Variants in LSAMP observed in about 807,000 individuals in gnomAD.
LSAMP encodes the protein limbic system associated membrane protein.
In LSAMP, 7 loss-of-function variants were observed where a neutral mutation model predicts 38.6. The observed-to-expected ratio is 0.18, with a 90% CI of 0.10 to 0.34. The LOEUF (loss-of-function observed/expected upper bound fraction) is 0.34. Among genes scored for constraint, LSAMP ranks in the 10% least tolerant of loss-of-function variants. The pLI is 1.00. For missense variants in LSAMP, 313 were observed against 420.0 expected (o/e 0.75, Z 2.23); for synonymous variants, 154 against 166.8 (o/e 0.92, Z 0.59).
intron 1 of LSAMP, among the ~76,000 whole-genome samples, chr3:116,264,231 ACTC>A (rs957536648): frequency 2.4e-4 from 37 of 152,230 alleles, no homozygotes; most frequent in African/African-American, 7.2e-4. Context: ...CTAAAAATGT[ACTC>A]TTCTGAGATA....
chr3:116,198,346 C>G (rs1175578691), intron 1 of LSAMP, among the ~76,000 whole-genome samples: 1 of 152,044 alleles, frequency 6.6e-6, no homozygotes, highest in Non-Finnish European at 1.5e-5. Context: ...CAAAATGCCT[C>G]CACAGTTTCA....
chr3:115,817,074 C>G (rs954927131), intron 6 of LSAMP, among the ~76,000 whole-genome samples: 2 of 152,220 alleles, frequency 1.3e-5, no homozygotes, highest in African/African-American at 4.8e-5. Flanking sequence ...CAGATCAAGT[C>G]TATTCCAACT....
chr3:116,337,873 T>C (rs897106377), intron 1 of LSAMP, among the ~76,000 whole-genome samples: 11 of 152,032 alleles, frequency 7.2e-5, no homozygotes. Flanking sequence ...ATTCAGTAGA[T>C]GTAAGGTGGG....
chr3:115,894,107 A>G (rs2107465230), intron 3 of LSAMP, among the ~76,000 whole-genome samples: 1 of 152,190 alleles, frequency 6.6e-6, no homozygotes, highest in East Asian at 1.9e-4. Flanking sequence ...ATAAATACGC[A>G]TAACTCTTTA....
chr3:115,880,039 C>A (rs1053506557), intron 3 of LSAMP, among the ~76,000 whole-genome samples: 23 of 152,246 alleles, frequency 1.5e-4, no homozygotes, highest in African/African-American at 5.5e-4. Flanking sequence ...ATAAAAAGAT[C>A]TTACAGATTT....
At chr3:116,072,537 C>T (rs372470368) in intron 2 of LSAMP, among the ~76,000 whole-genome samples, 9 of 152,246 alleles carry the variant, frequency 5.9e-5, no homozygotes, top group African/African-American at 2.2e-4. Context: ...TTTTCCTTTT[C>T]CTCTACAACC....
At chr3:116,148,085 T>A (rs1709528161) in intron 1 of LSAMP, among the ~76,000 whole-genome samples, 1 of 151,776 alleles carries the variant, frequency 6.6e-6, no homozygotes, top group African/African-American at 2.4e-5. Flanking sequence ...CATATCTACT[T>A]CTTAATTTGC....
At chr3:115,873,457 G>C (rs1936102528) in intron 3 of LSAMP, among the ~76,000 whole-genome samples, 1 of 151,548 alleles carries the variant, frequency 6.6e-6, no homozygotes, top group African/African-American at 2.4e-5. Context: ...GCTAAAAGGA[G>C]ATCTATGGCA....
intron 1 of LSAMP, among the ~76,000 whole-genome samples, chr3:116,374,089 G>A (rs745410930): frequency 4.0e-5 from 6 of 151,796 alleles, no homozygotes; most frequent in South Asian, 2.1e-4. Flanking sequence ...AAAAGAAAAC[G>A]CCATCTATAT....
At chr3:116,236,996 A>G (rs973453531) in intron 1 of LSAMP, among the ~76,000 whole-genome samples, 4 of 151,746 alleles carry the variant, frequency 2.6e-5, no homozygotes, top group African/African-American at 9.7e-5. Flanking sequence ...ATACATAGGT[A>G]TATTTATATT....
chr3:116,096,742 GA>G (rs1405213628), intron 1 of LSAMP, among the ~76,000 whole-genome samples: 3 of 152,168 alleles, frequency 2.0e-5, no homozygotes, highest in African/African-American at 7.2e-5. Flanking sequence ...GATCCCCTGA[GA>G]TCTGCTGGCT....
intron 1 of LSAMP, among the ~76,000 whole-genome samples, chr3:116,378,393 G>A (rs957029216): frequency 5.9e-5 from 9 of 152,012 alleles, no homozygotes; most frequent in Non-Finnish European, 1.2e-4. Flanking sequence ...GAGCCTACTC[G>A]CCTGAGGGGC....
chr3:116,117,061 A>T (rs1184309788), intron 1 of LSAMP, among the ~76,000 whole-genome samples: 1 of 152,266 alleles, frequency 6.6e-6, no homozygotes, highest in Non-Finnish European at 1.5e-5. Flanking sequence ...GGTTGTCTTA[A>T]GCCACTAAGA....
intron 1 of LSAMP, among the ~76,000 whole-genome samples, chr3:116,182,462 A>C (rs545946353): frequency 1.3e-5 from 2 of 151,812 alleles, no homozygotes; most frequent in African/African-American, 4.8e-5. Flanking sequence ...CTAATCTAGA[A>C]GTCTGCCAAT....
intron 3 of LSAMP, among the ~76,000 whole-genome samples, chr3:115,956,906 G>C (rs1938472122): frequency 6.6e-6 from 1 of 152,140 alleles, no homozygotes; most frequent in Non-Finnish European, 1.5e-5. Flanking sequence ...TCTTGAAGAA[G>C]TCATTCCAAC....
intron 3 of LSAMP, among the ~76,000 whole-genome samples, chr3:115,871,403 G>T (rs1936028854): frequency 6.6e-6 from 1 of 152,078 alleles, no homozygotes; most frequent in Non-Finnish European, 1.5e-5. Flanking sequence ...GTGTATTCCT[G>T]GGAAATCAAC....
chr3:115,851,784 C>T (rs1050746331), intron 4 of LSAMP, among the ~76,000 whole-genome samples: 9 of 152,108 alleles, frequency 5.9e-5, no homozygotes, highest in South Asian at 4.1e-4. Flanking sequence ...ACAGGGTAAA[C>T]GAATTCTCTT....
At chr3:115,907,485 T>A (rs1332912502) in intron 3 of LSAMP, among the ~76,000 whole-genome samples, 1 of 152,124 alleles carries the variant, frequency 6.6e-6, no homozygotes, top group African/African-American at 2.4e-5. Context: ...CATCTTGGAC[T>A]TCCCTGCCTC....
At position 115,871,538 on chromosome 3, in the gene LSAMP, T is replaced by C. The variant is rs191015022; in HGVS notation, c.515-18921A>G. On this transcript the variant is annotated intron_variant, in intron 3 of 6. Transcript: ENST00000490035. The stretch of plus-strand genomic sequence containing the variant: ...GATATGATACCCCTGTTTAAATTGT[T>C]TCAGTGTACAAAGAACAAAGCTACC... Among the ~76,000 whole-genome samples, 140 of 151,918 alleles carry C rather than the reference T, an allele frequency of 9.2e-4. 1 individual carries two copies. The highest frequency in any genetic ancestry group is 3.2e-3 in the African/African-American group (132 of 41,444).
Sources: allele counts gnomAD v4.1 joint callset (sites outside exome capture counted in the v4.1 genomes callset), GRCh38; gene constraint gnomAD v4.1.1; transcripts MANE v1.5; gene names NCBI Gene and HGNC (gene_info 2026-07-23, HGNC 2026-07-21).